The following IYD variants were observed in gnomAD, a reference collection of about 807,000 sequenced individuals.
The protein encoded by IYD is iodotyrosine deiodinase 1.
Under a neutral mutation model 28.4 loss-of-function variants are expected in IYD, and 25 were observed. That is an observed-to-expected ratio of 0.88 (90% CI 0.64 to 1.23). The LOEUF (loss-of-function observed/expected upper bound fraction) is 1.23. Ranked by LOEUF, IYD falls within the 50% of genes most tolerant of loss-of-function variation. The pLI is 0.00. For missense variants in IYD, 352 were observed against 357.9 expected (o/e 0.98, Z 0.13); for synonymous variants, 140 against 130.8 (o/e 1.07, Z -0.48).
chr6:150,396,503 A>G (rs1298603207), intron 4 of IYD: 1 of 699,358 alleles, frequency 1.4e-6, no homozygotes, highest in Admixed American at 2.0e-5. Context: ...AAAATTCAGT[A>G]TGGAGTAAAA....
intron 1 of IYD, among the ~76,000 whole-genome samples, chr6:150,375,674 G>A (rs1392855230): frequency 6.6e-6 from 1 of 152,138 alleles, no homozygotes; most frequent in Non-Finnish European, 1.5e-5. Flanking sequence ...TTAGCCCTAT[G>A]AGGATGGCCT....
rs1474892056 is a variant in IYD at position 150,394,251 on chromosome 6, T to C, written c.683T>C (p.Leu228Pro). The stretch of plus-strand genomic sequence containing the variant: ...GCTTGTGGCATCCTGCTAGCTGCCC[T>C]GCAGGTATGTTGAGACATCAAGGGT... Reference protein sequence around the residue: ...SIACGILLAALQNAGLVTVTT... With the variant: ...SIACGILLAAPQNAGLVTVTT... The change falls in exon 4 of 5, where the codon CTG becomes CCG. Residue 228 changes from leucine to proline, a missense_variant. Leu to Pro is a moderately conservative substitution (Grantham distance 98). Coordinates refer to ENST00000344419, the MANE Select transcript of IYD (RefSeq NM_203395.3). 1 of 1,614,140 alleles carries C rather than the reference T, an allele frequency of 6.2e-7. No individual in the cohort carries two copies. The highest frequency in any genetic ancestry group is 1.7e-5 in the Admixed American group (1 of 60,032).
chr6:150,388,218 T>A (rs1203410120), intron 1 of IYD, among the ~76,000 whole-genome samples: 2 of 152,240 alleles, frequency 1.3e-5, no homozygotes, highest in African/African-American at 4.8e-5. Flanking sequence ...AATTTACTTA[T>A]GATTGACACT....
intron 1 of IYD, among the ~76,000 whole-genome samples, chr6:150,372,599 T>C (rs1291438108): frequency 6.3e-5 from 1 of 15,848 alleles, no homozygotes; most frequent in Admixed American, 7.5e-4. Context: ...TGAGGGAACA[T>C]TGTGTTGGTC....
chr6:150,400,293 C>T lies in IYD; in HGVS notation c.*2056C>T, dbSNP rs893892009. The stretch of plus-strand genomic sequence containing the variant: ...TTTACTTCTGAAGCATTGGAGTTAT[C>T]GATTGCCATTGCCCCATGGTTCTCA... On this transcript the variant is annotated 3_prime_UTR_variant, in exon 5 of 5. Transcript: ENST00000344419. The T allele has an allele frequency of 6.6e-6, 1 of 152,166 alleles. No individual in the cohort carries two copies. The highest frequency in any genetic ancestry group is 1.5e-5 in the Non-Finnish European group (1 of 68,030). 9.4% of individuals were successfully genotyped at this position (152,166 alleles called of 1,614,324 possible). A position where few individuals can be genotyped will look rare whatever the true frequency, so the allele number is the denominator to read the frequency against.
intron 1 of IYD, among the ~76,000 whole-genome samples, chr6:150,379,989 A>G (rs552931405): frequency 3.7e-4 from 57 of 152,240 alleles, no homozygotes; most frequent in South Asian, 3.5e-3. Context: ...TCTCCTATTA[A>G]TCTGTCTTTT....
intron 4 of IYD, among the ~76,000 whole-genome samples, chr6:150,395,179 A>G (rs1025581076): frequency 6.6e-6 from 1 of 152,186 alleles, no homozygotes; most frequent in Non-Finnish European, 1.5e-5. Context: ...TGTCTGATGA[A>G]CTGTATATTC....
At position 150,402,149 on chromosome 6, in the gene IYD, G is replaced by C. The variant is rs1389984317; in HGVS notation, c.*3912G>C. The C allele has an allele frequency of 6.6e-6, 1 of 152,220 alleles. No homozygotes were observed. Among genetic ancestry groups the C allele is most frequent in the African/African-American group, 2.4e-5 (1 of 41,450 alleles). The allele number at this position is 152,220 out of a possible 1,614,324, so 9.4% of individuals were successfully genotyped here. The stretch of plus-strand genomic sequence containing the variant: ...TTGACGTGATAAAAGTTCATTTATT[G>C]GGCAGGCAAAGTCCTCTGCAGGCCT... On this transcript the variant is annotated 3_prime_UTR_variant, in exon 5 of 5. Coordinates refer to ENST00000344419, the MANE Select transcript of IYD (RefSeq NM_203395.3).
Position 150,398,938 on chromosome 6 carries a change from G to A in IYD, c.*701G>A, listed in dbSNP as rs1582807478. 3 of 152,378 alleles carry A rather than the reference G, an allele frequency of 2.0e-5. No individual in the cohort carries two copies. Among genetic ancestry groups the A allele is most frequent in the Non-Finnish European group, 2.9e-5 (2 of 68,108 alleles). 9.4% of individuals were successfully genotyped at this position (152,378 alleles called of 1,614,324 possible). On this transcript the variant is annotated 3_prime_UTR_variant, in exon 5 of 5. Coordinates refer to ENST00000344419, the MANE Select transcript of IYD (RefSeq NM_203395.3). ...TAATTCCAGCTACTCAGGAGGCTGA[G>A]GCAAGAGAACTGCTTGAATCCGGGA...
intron 1 of IYD, among the ~76,000 whole-genome samples, chr6:150,379,012 T>C (rs893025744): frequency 3.3e-5 from 5 of 152,186 alleles, no homozygotes; most frequent in Non-Finnish European, 7.3e-5. Context: ...AGCTCACACA[T>C]TTCCTTTTGT....
intron 4 of IYD, chr6:150,396,640 C>G: frequency 2.2e-6 from 1 of 444,514 alleles, no homozygotes; most frequent in Non-Finnish European, 4.0e-6. Context: ...TTTGGGAGGC[C>G]AAGGCGGGCG....
chr6:150,387,171 T>C (rs1777895628), intron 1 of IYD, among the ~76,000 whole-genome samples: 1 of 152,146 alleles, frequency 6.6e-6, no homozygotes, highest in Non-Finnish European at 1.5e-5. Flanking sequence ...ACGCAGCCCC[T>C]GATTTACTTT....
intron 1 of IYD, among the ~76,000 whole-genome samples, chr6:150,379,222 C>T (rs1238925595): frequency 6.6e-6 from 1 of 152,170 alleles, no homozygotes; most frequent in Non-Finnish European, 1.5e-5. Flanking sequence ...CAGCCACTCT[C>T]AACCACCCAT....
chr6:150,383,634 A>G (rs147930819), intron 1 of IYD, among the ~76,000 whole-genome samples: 1,838 of 152,248 alleles, frequency 0.012, 50 homozygotes, highest in Admixed American at 0.06. Context: ...TGCAGCAACT[A>G]TAACCACAGC....
intron 1 of IYD, chr6:150,384,372 T>A (rs1340979519): frequency 6.6e-6 from 1 of 152,212 alleles, no homozygotes; most frequent in Non-Finnish European, 1.5e-5. Context: ...GCTTTCTTTA[T>A]GCGATTCAAA....
intron 1 of IYD, among the ~76,000 whole-genome samples, chr6:150,378,233 G>C (rs1359467679): frequency 6.7e-6 from 1 of 150,374 alleles, no homozygotes; most frequent in Non-Finnish European, 1.5e-5. Flanking sequence ...CAATGTGCAG[G>C]TTAGTTACAT....
At chr6:150,391,404 A>G (rs1778113628) in intron 2 of IYD, among the ~76,000 whole-genome samples, 1 of 152,214 alleles carries the variant, frequency 6.6e-6, no homozygotes, top group African/African-American at 2.4e-5. Context: ...TCCTTCAATA[A>G]CCTTCACAAC....
chr6:150,381,185 A>G (rs189658097), intron 1 of IYD, among the ~76,000 whole-genome samples: 8 of 152,338 alleles, frequency 5.3e-5, no homozygotes, highest in Admixed American at 3.3e-4. Flanking sequence ...GAAAGTATTG[A>G]TATTTTAAAC....
rs941097410 is a variant in IYD, at chr6:150,399,699, G to A, written c.*1462G>A. 1 of 152,246 alleles carries A rather than the reference G, an allele frequency of 6.6e-6. No homozygotes were observed. Among genetic ancestry groups the A allele is most frequent in the Non-Finnish European group, 1.5e-5 (1 of 68,134 alleles). 9.4% of individuals were successfully genotyped at this position (152,246 alleles called of 1,614,324 possible). A position where few individuals can be genotyped will look rare whatever the true frequency, so the allele number is the denominator to read the frequency against. On this transcript the variant is annotated 3_prime_UTR_variant, in exon 5 of 5. Coordinates refer to ENST00000344419, the MANE Select transcript of IYD (RefSeq NM_203395.3). ...TTTCTCACAGTTCTGGAGGCTGGAAGTCCAAGGTCGGGGTGCCCTCATGGT... is the reference window on the plus strand; with the variant it reads ...TTTCTCACAGTTCTGGAGGCTGGAAATCCAAGGTCGGGGTGCCCTCATGGT...
Sources: gnomAD v4.1 joint callset for allele counts (sites outside exome capture counted in the v4.1 genomes callset) on GRCh38, gnomAD v4.1.1 for gene constraint, MANE v1.5 for transcripts, NCBI Gene and HGNC (gene_info 2026-07-23, HGNC 2026-07-21) for gene names.